The following FAM53B variants were observed in gnomAD, a reference collection of about 807,000 sequenced individuals.
The protein encoded by FAM53B is family with sequence similarity 53 member B, also known as protein FAM53B.
A neutral mutation model predicts 32.7 loss-of-function variants in FAM53B; 12 were observed. The ratio of observed to expected loss-of-function variants is 0.37; its 90% CI spans 0.24 to 0.59. The LOEUF (loss-of-function observed/expected upper bound fraction) is 0.59, where lower values mean the gene tolerates loss of function less well. Among genes scored for constraint, FAM53B ranks in the 20% least tolerant of loss-of-function variants. The probability of loss-of-function intolerance (pLI) is 0.72; values close to 1 mark genes in which losing one functional copy is unlikely to be tolerated. For missense variants in FAM53B, 477 were observed against 577.7 expected (o/e 0.83, Z 1.79); for synonymous variants, 234 against 228.7 (o/e 1.02, Z -0.21).
intron 4 of FAM53B, among the ~76,000 whole-genome samples, chr10:124,675,787 A>T (rs776285860): frequency 6.6e-6 from 1 of 152,230 alleles, no homozygotes; most frequent in Non-Finnish European, 1.5e-5. Flanking sequence ...TGGGGTCAAG[A>T]GGTCAGGGTT....
chr10:124,679,012 T>G (rs1949753000), intron 4 of FAM53B, among the ~76,000 whole-genome samples: 2 of 152,194 alleles, frequency 1.3e-5, no homozygotes, highest in Admixed American at 1.3e-4. Context: ...CCCGAGGCTC[T>G]CACACACCTG....
chr10:124,647,747 A>T (rs1464015900), intron 4 of FAM53B, among the ~76,000 whole-genome samples: 1 of 152,146 alleles, frequency 6.6e-6, no homozygotes, highest in Non-Finnish European at 1.5e-5. Flanking sequence ...CACCTCACTG[A>T]AGTGTTGAGG....
intron 3 of FAM53B, among the ~76,000 whole-genome samples, chr10:124,683,267 G>A (rs1949783939): frequency 6.6e-6 from 1 of 152,176 alleles, no homozygotes; most frequent in South Asian, 2.1e-4. Flanking sequence ...GCACCGTGCT[G>A]GGAATTTTAG....
Position 124,623,093 on chromosome 10 carries a change from G to GCA in FAM53B, c.*147_*148dup. The GCA allele has an allele frequency of 9.6e-7, 1 of 1,038,990 alleles. No homozygotes were observed. The highest frequency in any genetic ancestry group is 1.4e-6 in the Non-Finnish European group (1 of 723,512). The allele number at this position is 1,038,990 out of a possible 1,614,324, so 64.4% of individuals were successfully genotyped here. A position where few individuals can be genotyped will look rare whatever the true frequency, so the allele number is the denominator to read the frequency against. ...GCCAGGCCAGGCTCTCCCCCAGGCA[G>GCA]CAGGTGGGCTCCCTCTCTGGGACCC... On this transcript the variant is annotated 3_prime_UTR_variant, in exon 5 of 5. Transcript: ENST00000337318.
chr10:124,626,451 T>C (rs1056762341), intron 4 of FAM53B, among the ~76,000 whole-genome samples: 1 of 144,936 alleles, frequency 6.9e-6, no homozygotes, highest in Non-Finnish European at 1.5e-5. Context: ...GATGAGGTCA[T>C]GTAGGGGCCT....
At position 124,623,095 on chromosome 10, in the gene FAM53B, A is replaced by C. The variant is rs1949322245; in HGVS notation, c.*147T>G. The C allele has an allele frequency of 1.9e-6, 2 of 1,049,324 alleles. No individual in the cohort carries two copies. Among genetic ancestry groups the C allele is most frequent in the African/African-American group, 3.2e-5 (2 of 62,002 alleles). 65.0% of individuals were successfully genotyped at this position (1,049,324 alleles called of 1,614,324 possible). The stretch of plus-strand genomic sequence containing the variant: ...CAGGCCAGGCTCTCCCCCAGGCAGC[A>C]GGTGGGCTCCCTCTCTGGGACCCGA... On this transcript the variant is annotated 3_prime_UTR_variant, in exon 5 of 5. Transcript: ENST00000337318.
chr10:124,735,581 C>T (rs567236875), intron 1 of FAM53B, among the ~76,000 whole-genome samples: 15 of 152,382 alleles, frequency 9.8e-5, no homozygotes, highest in African/African-American at 3.4e-4. Flanking sequence ...CAGTTGAAGT[C>T]CCCTCTGCTC....
intron 4 of FAM53B, chr10:124,667,466 C>T: frequency 1.3e-6 from 1 of 747,422 alleles, no homozygotes. Context: ...CAAATCATCC[C>T]CCACCTCACC....
chr10:124,687,959 A>T (rs1949812769), intron 3 of FAM53B, among the ~76,000 whole-genome samples: 1 of 152,206 alleles, frequency 6.6e-6, no homozygotes. Flanking sequence ...TCATAACAAC[A>T]CTGAAAGTTG....
At chr10:124,691,720 C>CG (rs1220111029) in intron 3 of FAM53B, among the ~76,000 whole-genome samples, 17 of 152,332 alleles carry the variant, frequency 1.1e-4, no homozygotes, top group African/African-American at 4.1e-4. Context: ...ATGGAGACTG[C>CG]GCTCACTCCA....
At chr10:124,663,845 C>G (rs184863292) in intron 4 of FAM53B, among the ~76,000 whole-genome samples, 60 of 152,148 alleles carry the variant, frequency 3.9e-4, no homozygotes, top group Non-Finnish European at 6.9e-4. Context: ...CTCCAGAGAC[C>G]GATGCTACTG....
chr10:124,640,945 C>G (rs1007426041), intron 4 of FAM53B, among the ~76,000 whole-genome samples: 5 of 152,352 alleles, frequency 3.3e-5, no homozygotes, highest in African/African-American at 1.2e-4. Flanking sequence ...GAGCCCTCAG[C>G]CAGATGGGAG....
intron 1 of FAM53B, among the ~76,000 whole-genome samples, chr10:124,719,929 A>G (rs1950059019): frequency 1.3e-5 from 2 of 152,138 alleles, no homozygotes; most frequent in African/African-American, 4.8e-5. Context: ...TTGGGAGGCC[A>G]AGGCAGGCAG....
chr10:124,665,678 C>T (rs534875898), intron 4 of FAM53B, among the ~76,000 whole-genome samples: 6 of 152,322 alleles, frequency 3.9e-5, no homozygotes, highest in African/African-American at 1.2e-4. Context: ...GCATTGGTCA[C>T]GTGGGCCGGT....
rs776186824 is a variant in FAM53B at position 124,696,208 on chromosome 10, G to T, written c.83C>A (p.Thr28Lys). Residue 28 changes from threonine (T) to lysine (K), a missense_variant, in exon 3 of 5, where the codon ACG becomes AAG. This residue lies in a region of FAM53B where 312 missense variants were observed against 420.2 expected (regional missense o/e 0.74). Transcript: ENST00000337318. ...AGGTCCTTGACTCATCTTCTTTGGC[G>T]TGTGCTGAAAACAACCAGAAAAGCT... ...ACGTFSRELH[T>K]PKKMSQGPTL... 1 of 1,613,776 alleles carries T rather than the reference G, an allele frequency of 6.2e-7. No homozygotes were observed. The highest frequency in any genetic ancestry group is 2.2e-5 in the East Asian group (1 of 44,874).
chr10:124,662,938 C>T (rs527912372), intron 4 of FAM53B, among the ~76,000 whole-genome samples: 1 of 152,340 alleles, frequency 6.6e-6, no homozygotes, highest in African/African-American at 2.4e-5. Flanking sequence ...TGCTTGGTCA[C>T]CGCACCTCAA....
At chr10:124,633,340 A>G (rs1949404479) in intron 4 of FAM53B, among the ~76,000 whole-genome samples, 1 of 152,164 alleles carries the variant, frequency 6.6e-6, no homozygotes. Context: ...AACCTCAAAA[A>G]GGTGTAAATT....
chr10:124,679,236 C>G (rs1420569149), intron 4 of FAM53B, among the ~76,000 whole-genome samples: 1 of 152,154 alleles, frequency 6.6e-6, no homozygotes. Flanking sequence ...GCATGCAGAG[C>G]AGACCCCAAC....
At chr10:124,692,671 C>T (rs908530389) in intron 3 of FAM53B, among the ~76,000 whole-genome samples, 19 of 138,640 alleles carry the variant, frequency 1.4e-4, no homozygotes, top group Middle Eastern at 3.4e-3. Flanking sequence ...GACAAGAATG[C>T]GCCACTGCAC....
Sources: gnomAD v4.1 joint callset for allele counts (sites outside exome capture counted in the v4.1 genomes callset) on GRCh38, gnomAD v4.1.1 for gene constraint, gnomAD v4.1.1 regional missense constraint, MANE v1.5 for transcripts, NCBI Gene and HGNC (gene_info 2026-07-23, HGNC 2026-07-21) for gene names.